The following ARHGEF3 variants were observed in gnomAD, a reference collection of about 807,000 sequenced individuals.
The protein encoded by ARHGEF3 is 59.8 kDA protein.
Under a neutral mutation model 63.2 loss-of-function variants are expected in ARHGEF3, and 28 were observed. That is an observed-to-expected ratio of 0.44 (90% confidence interval 0.33 to 0.61). ARHGEF3 has a LOEUF of 0.61. Ranked by LOEUF, ARHGEF3 falls within the 20% of genes least tolerant of loss-of-function variation. The pLI, the probability that ARHGEF3 is intolerant of heterozygous loss-of-function variation, is 0.03. For synonymous variants in ARHGEF3, 266 were observed against 254.2 expected, an observed-to-expected ratio of 1.05 and a Z score of -0.44; for missense variants, 533 against 659.3, an observed-to-expected ratio of 0.81 and a Z score of 2.10.
intron 1 of ARHGEF3, among the ~76,000 whole-genome samples, chr3:57,053,567 T>C (rs1378368119): frequency 6.6e-6 from 1 of 152,236 alleles, no homozygotes; most frequent in Non-Finnish European, 1.5e-5. Flanking sequence ...ATAACATTTT[T>C]AGATATTTAT....
At chr3:57,015,127 C>G (rs528129262) in intron 2 of ARHGEF3, among the ~76,000 whole-genome samples, 1 of 152,038 alleles carries the variant, frequency 6.6e-6, no homozygotes, top group South Asian at 2.1e-4. Context: ...GTTTACATAA[C>G]GTTTTACTGG....
intron 1 of ARHGEF3, among the ~76,000 whole-genome samples, chr3:57,058,029 C>T (rs1705018841): frequency 6.6e-6 from 1 of 152,210 alleles, no homozygotes; most frequent in Non-Finnish European, 1.5e-5. Flanking sequence ...CTCATATTGA[C>T]TGGGCTTTAA....
chr3:56,795,822 A>T (rs998910398), intron 1 of ARHGEF3, among the ~76,000 whole-genome samples: 15 of 151,830 alleles, frequency 9.9e-5, no homozygotes, highest in African/African-American at 3.6e-4. Context: ...TTGAATTTTT[A>T]GTAGAGATGG....
intron 2 of ARHGEF3, among the ~76,000 whole-genome samples, chr3:57,009,063 TC>T (rs1386552342): frequency 1.3e-5 from 2 of 152,202 alleles, no homozygotes; most frequent in Admixed American, 1.3e-4. Flanking sequence ...GGCCATGAGT[TC>T]CTGGGAAACA....
chr3:56,794,446 C>T lies in ARHGEF3; in HGVS notation c.96+7257G>A, dbSNP rs143273454. On this transcript the variant is annotated intron_variant, in intron 1 of 9. Transcript: ENST00000296315. ...GAGGTTGCAATAAGCTGAGATCGCA[C>T]CACTGCACTGTAGCCTGGGCAATAA... Among the ~76,000 whole-genome samples, 77 of 147,184 alleles carry T rather than the reference C, an allele frequency of 5.2e-4. 1 individual carries two copies. The East Asian group carries it at 0.015, about 29-fold the overall frequency.
At chr3:56,872,927 GTAGT>G in intron 4 of ARHGEF3, among the ~76,000 whole-genome samples, 1 of 152,262 alleles carries the variant, frequency 6.6e-6, no homozygotes, top group East Asian at 1.9e-4. Context: ...AATAGCAACA[GTAGT>G]TATTTTTTTG....
chr3:57,040,601 G>A (rs527598530), intron 1 of ARHGEF3, among the ~76,000 whole-genome samples: 1 of 152,108 alleles, frequency 6.6e-6, no homozygotes, highest in Non-Finnish European at 1.5e-5. Context: ...GGCTTCTGGG[G>A]TGCTGGCAAA....
chr3:57,065,105 G>A lies in ARHGEF3; in HGVS notation c.-28+14121C>T, dbSNP rs1184704509. ...TGTTTTTAAGTTGGGAGAAATAACTGCATGTTTATTTGCTGATGGGACCAA... is the reference window on the plus strand; with the variant it reads ...TGTTTTTAAGTTGGGAGAAATAACTACATGTTTATTTGCTGATGGGACCAA... On this transcript the variant is annotated intron_variant, in intron 1 of 12. Coordinates refer to the ARHGEF3 transcript ENST00000338458. 2.0e-5 allele frequency among the ~76,000 whole-genome samples: 3 copies of A among 152,232 alleles called. No homozygotes were observed. The East Asian group carries it at 5.8e-4, about 29-fold the overall frequency.
Position 56,973,142 on chromosome 3 carries a change from G to A in ARHGEF3, c.63-14253C>T, listed in dbSNP as rs527653335. 4.0e-5 allele frequency among the ~76,000 whole-genome samples: 6 copies of A among 151,568 alleles called. No homozygotes were observed. In the East Asian group the frequency reaches 7.8e-4, roughly 20 times the overall value. The stretch of plus-strand genomic sequence containing the variant: ...CACCATTCTCCTGCCTCAGCCTCCC[G>A]AGTAGCTGGGACTACAGGCACCCGC... On this transcript the variant is annotated intron_variant, in intron 2 of 12. Transcript: ENST00000338458.
intron 1 of ARHGEF3, among the ~76,000 whole-genome samples, chr3:56,774,681 C>T (rs1008172111): frequency 1.3e-5 from 2 of 152,024 alleles, no homozygotes; most frequent in South Asian, 2.1e-4. Flanking sequence ...GTGGGTGGAT[C>T]ACGAGGTCAG....
chr3:56,913,011 T>C lies in ARHGEF3; in HGVS notation c.130-30657A>G, dbSNP rs530769980. Among the ~76,000 whole-genome samples, 5 of 152,156 alleles carry C rather than the reference T, an allele frequency of 3.3e-5. No homozygotes were observed. In the East Asian group the frequency reaches 9.7e-4, roughly 29 times the overall value. ...AAAATTAGCTGGGTATGGTGGTGCATACCTGTAGTCCCAGCTACTCAGGAG... is the reference window on the plus strand; with the variant it reads ...AAAATTAGCTGGGTATGGTGGTGCACACCTGTAGTCCCAGCTACTCAGGAG... On this transcript the variant is annotated intron_variant, in intron 3 of 12. Coordinates refer to the ARHGEF3 transcript ENST00000338458.
chr3:56,903,069 TACACACAC>T (rs55802504), intron 3 of ARHGEF3, among the ~76,000 whole-genome samples: 2 of 148,046 alleles, frequency 1.4e-5, no homozygotes, highest in African/African-American at 5.1e-5. Flanking sequence ...TCTCTAAACA[TACACACAC>T]ACACACACAC....
chr3:56,729,263 G>T lies in ARHGEF3; in HGVS notation c.*7C>A. On this transcript the variant is annotated 3_prime_UTR_variant, in exon 10 of 10. Transcript: ENST00000296315. ...CAGGCCTGCTTCCCGAAGTGCACAT[G>T]CTTCTGTCAGACGTTACTTTCACCG... is the stretch of plus-strand genomic sequence containing the variant. 2 of 1,605,278 alleles carry T rather than the reference G, an allele frequency of 1.2e-6. No individual in the cohort carries two copies. Among genetic ancestry groups the T allele is most frequent in the Non-Finnish European group, 1.7e-6 (2 of 1,174,758 alleles).
intron 6 of ARHGEF3, among the ~76,000 whole-genome samples, chr3:56,748,902 G>A (rs1290791506): frequency 6.6e-6 from 1 of 152,148 alleles, no homozygotes; most frequent in East Asian, 1.9e-4. Flanking sequence ...AGGCTCACTT[G>A]TTTAAAAGGG....
intron 2 of ARHGEF3, among the ~76,000 whole-genome samples, chr3:57,029,575 G>A (rs1703642791): frequency 6.6e-6 from 1 of 152,168 alleles, no homozygotes; most frequent in Non-Finnish European, 1.5e-5. Context: ...AGAGACCTCT[G>A]CATGCACAGT....
intron 3 of ARHGEF3, among the ~76,000 whole-genome samples, chr3:56,888,574 C>G (rs539540986): frequency 1.3e-5 from 2 of 152,206 alleles, no homozygotes; most frequent in Non-Finnish European, 2.9e-5. Context: ...TAGAAGTGCT[C>G]AAGTGCTGAA....
rs746229591 is a variant in ARHGEF3, at chr3:56,801,907, C to A, written c.-109G>T. The A allele has an allele frequency of 1.3e-6, 2 of 1,544,182 alleles. No homozygotes were observed. The highest frequency in any genetic ancestry group is 1.7e-6 in the Non-Finnish European group (2 of 1,146,216). The stretch of plus-strand genomic sequence containing the variant: ...CCACGATGCCGGGCGGCGGCGGCGA[C>A]ACGGAGACCGACAGCCGGCTTCTAG... On this transcript the variant is annotated 5_prime_UTR_variant, in exon 1 of 10. Transcript: ENST00000296315.
At chr3:56,833,928 A>T (rs1223156966) in intron 4 of ARHGEF3, among the ~76,000 whole-genome samples, 2 of 136,492 alleles carry the variant, frequency 1.5e-5, no homozygotes, top group African/African-American at 6.6e-5. Flanking sequence ...TCCCCCCCCA[A>T]TTTTTACTCT....
chr3:56,763,929 TGAA>T (rs2035562667), intron 2 of ARHGEF3, among the ~76,000 whole-genome samples: 1 of 152,066 alleles, frequency 6.6e-6, no homozygotes, highest in Non-Finnish European at 1.5e-5. Context: ...CTTTCTTTAA[TGAA>T]GAAATATTAA....
Sources: gnomAD v4.1 joint callset for allele counts (sites outside exome capture counted in the v4.1 genomes callset) on GRCh38, gnomAD v4.1.1 for gene constraint, MANE v1.5 for transcripts, NCBI Gene and HGNC (gene_info 2026-07-23, HGNC 2026-07-21) for gene names.